The following MID1 variants were observed in gnomAD, a reference collection of about 807,000 sequenced individuals.
MID1 encodes the protein midline 1, also known as E3 ubiquitin-protein ligase Midline-1.
MID1 carries 7 observed loss-of-function variants against 40.4 expected under a neutral mutation model. That is an observed-to-expected ratio of 0.17 (90% CI 0.10 to 0.33). The LOEUF (loss-of-function observed/expected upper bound fraction) is 0.33. Among genes scored for constraint, MID1 ranks in the 10% least tolerant of loss-of-function variants. MID1 has a pLI of 1.00. For missense variants in MID1, 367 were observed against 558.5 expected (o/e 0.66, Z 3.46); for synonymous variants, 229 against 221.2 (o/e 1.04, Z -0.31).
chrX:10,535,200 C>A (rs1933199326), intron 2 of MID1, among the ~76,000 whole-genome samples: 1 of 111,638 alleles, frequency 9.0e-6, no homozygotes, highest in African/African-American at 3.3e-5. Flanking sequence ...AATAACTTCG[C>A]CTGAGTGAGG....
intron 3 of MID1, among the ~76,000 whole-genome samples, chrX:10,510,853 AAG>A (rs1491255860): frequency 7.7e-4 from 83 of 107,381 alleles, no homozygotes; most frequent in Non-Finnish European, 1.3e-3. Flanking sequence ...AAAAAAAAAA[AAG>A]AAAATGCTGA....
At chrX:10,607,741 A>G (rs1935651359) in intron 1 of MID1, among the ~76,000 whole-genome samples, 1 of 112,501 alleles carries the variant, frequency 8.9e-6, no homozygotes, top group Non-Finnish European at 1.9e-5. Context: ...CTATTCCTAA[A>G]GTGAAGTTAG....
intron 3 of MID1, among the ~76,000 whole-genome samples, chrX:10,515,932 G>T (rs1386020757): frequency 1.8e-5 from 2 of 112,239 alleles, no homozygotes. Context: ...AAAATGGAAA[G>T]AGAAATGTGA....
chrX:10,563,228 A>T (rs975365556), intron 2 of MID1, among the ~76,000 whole-genome samples: 1 of 112,178 alleles, frequency 8.9e-6, no homozygotes, highest in Non-Finnish European at 1.9e-5. Context: ...CCGTTGAAAC[A>T]TGCATTATAC....
chrX:10,822,175 G>T (rs1000577890), intron 1 of MID1, among the ~76,000 whole-genome samples: 4 of 111,435 alleles, frequency 3.6e-5, no homozygotes, highest in African/African-American at 1.3e-4. Context: ...AGAGAACTCA[G>T]AAGTAAGGCC....
At chrX:10,654,590 CAA>C (rs1005115445) in intron 1 of MID1, among the ~76,000 whole-genome samples, 3 of 111,907 alleles carry the variant, frequency 2.7e-5, no homozygotes, top group Non-Finnish European at 3.8e-5. Flanking sequence ...GCTGATCTGA[CAA>C]GAGAGAGAGC....
At chrX:10,646,619 T>G (rs1469237496) in intron 1 of MID1, among the ~76,000 whole-genome samples, 1 of 111,783 alleles carries the variant, frequency 8.9e-6, no homozygotes, top group African/African-American at 3.3e-5. Context: ...AGCACATTTT[T>G]GCATGTTGCC....
At chrX:10,531,370 AT>A (rs1448068463) in intron 2 of MID1, among the ~76,000 whole-genome samples, 3 of 112,125 alleles carry the variant, frequency 2.7e-5, no homozygotes, top group African/African-American at 6.5e-5. Context: ...GGTTGTTTTA[AT>A]TTTTTAATGC....
chrX:10,590,480 C>G lies in MID1; in HGVS notation c.-56-22877G>C, dbSNP rs1172797183. ...TGTGGGAAGACAGGGTCGCAGCATT[C>G]CAGGGGAGGGGTTATAAAGCAAGTA... On this transcript the variant is annotated intron_variant, in intron 1 of 9. Coordinates refer to ENST00000317552, the MANE Select transcript of MID1 (RefSeq NM_000381.4). Among the ~76,000 whole-genome samples, 4 of 111,078 alleles carry G rather than the reference C, an allele frequency of 3.6e-5. No individual in the cohort carries two copies. The East Asian group carries it at 1.1e-3, about 31-fold the overall frequency.
chrX:10,559,034 G>A (rs1207376460), intron 2 of MID1, among the ~76,000 whole-genome samples: 2 of 112,077 alleles, frequency 1.8e-5, no homozygotes, highest in African/African-American at 3.2e-5. Flanking sequence ...GCTGCCTTGA[G>A]TTTCCCATTA....
chrX:10,557,394 C>T (rs376335875), intron 2 of MID1, among the ~76,000 whole-genome samples: 6 of 111,896 alleles, frequency 5.4e-5, no homozygotes, highest in African/African-American at 1.9e-4. Context: ...TCAGAAGAGA[C>T]CTCAGAAATT....
chrX:10,596,659 C>T (rs1342571349), intron 1 of MID1, among the ~76,000 whole-genome samples: 1 of 111,291 alleles, frequency 9.0e-6, no homozygotes, highest in African/African-American at 3.3e-5. Context: ...TGTCAAGTTC[C>T]CAAACCTCTC....
At chrX:10,587,461 C>T (rs1433047574) in intron 1 of MID1, among the ~76,000 whole-genome samples, 2 of 112,668 alleles carry the variant, frequency 1.8e-5, no homozygotes, top group Non-Finnish European at 3.8e-5. Flanking sequence ...CGCAGGGTGC[C>T]GGACTTTGGG....
In MID1 at chrX:10,469,476, T is replaced by C. The variant is rs944380149; in HGVS notation, c.1285+221A>G. On this transcript the variant is annotated intron_variant, in intron 7 of 9. Transcript: ENST00000317552. Reference sequence around the variant, plus strand: ...TCTGGCTTCTTTCCCTTAACATCCATGTGGTTTGCTAGAGGTCATTAATTT... The same window carrying C: ...TCTGGCTTCTTTCCCTTAACATCCACGTGGTTTGCTAGAGGTCATTAATTT... 5.4e-6 allele frequency: 6 copies of C among 1,116,175 alleles called. No homozygotes were observed. The African/African-American group carries it at 9.2e-5, about 17-fold the overall frequency. 92.0% of individuals were successfully genotyped at this position (1,116,175 alleles called of 1,213,427 possible). A position where few individuals can be genotyped will look rare whatever the true frequency, so the allele number is the denominator to read the frequency against.
At chrX:10,480,916 C>T (rs139563127) in intron 5 of MID1, among the ~76,000 whole-genome samples, 58 of 112,204 alleles carry the variant, frequency 5.2e-4, no homozygotes, top group African/African-American at 1.8e-3. Context: ...CTCCTCTATG[C>T]GATATTTTGA....
intron 9 of MID1, among the ~76,000 whole-genome samples, chrX:10,452,767 C>T (rs1928422271): frequency 9.0e-6 from 1 of 111,363 alleles, no homozygotes; most frequent in Non-Finnish European, 1.9e-5. Context: ...TTTCTTTTCC[C>T]CCTCATGAGT....
intron 7 of MID1, among the ~76,000 whole-genome samples, chrX:10,465,258 C>CACAT (rs1323651771): frequency 2.9e-4 from 28 of 96,471 alleles, no homozygotes; most frequent in African/African-American, 3.1e-4. Flanking sequence ...CACACACACA[C>CACAT]ACATACATAT....
rs755844392 is a variant in MID1, at chrX:10,467,254, G to A, written c.1285+2443C>T. Among the ~76,000 whole-genome samples the A allele has an allele frequency of 2.7e-5, 3 of 112,114 alleles. No individual in the cohort carries two copies. In the South Asian group the frequency reaches 1.1e-3, roughly 42 times the overall value. ...AAAGCATTGTGTATGATATGCACATGTAGAAAAATATTTTAGAGAATTAGT... is the reference window on the plus strand; with the variant it reads ...AAAGCATTGTGTATGATATGCACATATAGAAAAATATTTTAGAGAATTAGT... On this transcript the variant is annotated intron_variant, in intron 7 of 9. Transcript: ENST00000317552.
At chrX:10,748,851 G>A (rs2043579479) in intron 1 of MID1, among the ~76,000 whole-genome samples, 1 of 111,453 alleles carries the variant, frequency 9.0e-6, no homozygotes, top group Non-Finnish European at 1.9e-5. Flanking sequence ...AAGCATGTTA[G>A]TATCATGGAT....
Sources: gnomAD v4.1 joint callset for allele counts (sites outside exome capture counted in the v4.1 genomes callset) on GRCh38, gnomAD v4.1.1 for gene constraint, MANE v1.5 for transcripts, NCBI Gene and HGNC (gene_info 2026-07-23, HGNC 2026-07-21) for gene names.